Variants in MCMDC2 observed in about 807,000 individuals in gnomAD.
MCMDC2 encodes the protein minichromosome maintenance domain-containing protein 2.
Under a neutral mutation model 75.8 loss-of-function variants are expected in MCMDC2, and 54 were observed. That is an observed-to-expected ratio of 0.71 (90% CI 0.57 to 0.89). The LOEUF (loss-of-function observed/expected upper bound fraction) is 0.89, where lower values mean the gene tolerates loss of function less well. Among genes scored for constraint, MCMDC2 ranks in the 40% least tolerant of loss-of-function variants. MCMDC2 has a pLI of 0.00. For missense variants in MCMDC2, 656 were observed against 780.4 expected, an observed-to-expected ratio of 0.84 and a Z score of 1.90; for synonymous variants, 249 against 274.6, an observed-to-expected ratio of 0.91 and a Z score of 0.92.
rs916476662 is a variant in MCMDC2, at chr8:66,876,449, A to G, written c.286-900A>G. ...TCATGAACTTTTAAATATATATGGT[A>G]TGTTTCAGTGAATCTTTGTCATTCC... On this transcript the variant is annotated intron_variant, in intron 4 of 14. Transcript: ENST00000422365. Among the ~76,000 whole-genome samples the G allele has an allele frequency of 9.2e-5, 14 of 152,102 alleles. 1 individual carries two copies. Among genetic ancestry groups the G allele is most frequent in the African/African-American group, 2.7e-4 (11 of 41,408 alleles).
chr8:66,899,394 GTA>G (rs1160596005), intron 12 of MCMDC2, among the ~76,000 whole-genome samples: 1 of 152,178 alleles, frequency 6.6e-6, no homozygotes, highest in Non-Finnish European at 1.5e-5. Flanking sequence ...GCTATTAATA[GTA>G]TATCCAGTTC....
intron 7 of MCMDC2, among the ~76,000 whole-genome samples, chr8:66,879,607 A>G (rs549950574): frequency 6.6e-6 from 1 of 152,328 alleles, no homozygotes; most frequent in African/African-American, 2.4e-5. Flanking sequence ...AAGAAAAAAA[A>G]GCAATTGACT....
Position 66,890,847 on chromosome 8 carries a change from T to C in MCMDC2, c.1074-18T>C. On this transcript the variant is annotated intron_variant, in intron 9 of 14. Transcript: ENST00000422365. Reference sequence around the variant, plus strand: ...AAAATTAAATAATAGTAATGAAAAGTTTATTTTTTTTCCCTAGGCTTCTGA... The same window carrying C: ...AAAATTAAATAATAGTAATGAAAAGCTTATTTTTTTTCCCTAGGCTTCTGA... 6.3e-7 allele frequency: 1 copy of C among 1,585,474 alleles called. No homozygotes were observed. Among genetic ancestry groups the C allele is most frequent in the Non-Finnish European group, 8.6e-7 (1 of 1,167,280 alleles).
intron 9 of MCMDC2, among the ~76,000 whole-genome samples, chr8:66,888,691 T>C (rs888721421): frequency 1.2e-4 from 18 of 152,248 alleles, no homozygotes; most frequent in Admixed American, 1.0e-3. Flanking sequence ...AGAAATACAA[T>C]TGATTTTTAT....
chr8:66,897,269 G>A (rs1478985078), intron 12 of MCMDC2, among the ~76,000 whole-genome samples: 5 of 151,802 alleles, frequency 3.3e-5, no homozygotes, highest in East Asian at 1.9e-4. Context: ...TTAGCTGGGC[G>A]TGGTGGTGGC....
chr8:66,896,487 T>G, intron 11 of MCMDC2, 151 bp downstream of exon 11: 1 of 766,692 alleles, frequency 1.3e-6, no homozygotes, highest in Non-Finnish European at 1.9e-6. Context: ...AAAATTGTAA[T>G]GTTTTTTAAC....
At chr8:66,896,099 G>A (rs1812338710) in intron 10 of MCMDC2, 71 bp from the exon 11 acceptor site, 5 of 1,323,690 alleles carry the variant, frequency 3.8e-6, no homozygotes, top group Non-Finnish European at 4.2e-6. Flanking sequence ...ATATAATAAT[G>A]TGTTAGCAAT....
At chr8:66,880,777 C>T (rs1020157934) in intron 7 of MCMDC2, 72 bp from the exon 8 acceptor site, 1 of 1,337,152 alleles carries the variant, frequency 7.5e-7, no homozygotes. Context: ...AGTTCTGGAT[C>T]TTTGAACCAT....
downstream of MCMDC2, chr8:66,922,521 C>T (rs770071411): frequency 7.9e-5 from 41 of 518,832 alleles, no homozygotes; most frequent in Middle Eastern, 6.8e-4. Context: ...GCTGGGTAAA[C>T]GGCAAAAAGT....
chr8:66,884,901 TG>T (rs1811760926), intron 9 of MCMDC2, among the ~76,000 whole-genome samples: 2 of 152,012 alleles, frequency 1.3e-5, no homozygotes, highest in Admixed American at 6.6e-5. Context: ...CTCAGCCTCC[TG>T]AGTAGCTGTG....
In MCMDC2 at chr8:66,905,151, G is replaced by T. The variant is rs968258492; in HGVS notation, c.1770-75G>T. The T allele has an allele frequency of 5.1e-6, 6 of 1,182,532 alleles. No individual in the cohort carries two copies. The African/African-American group carries it at 9.6e-5, about 19-fold the overall frequency. 73.3% of individuals were successfully genotyped at this position (1,182,532 alleles called of 1,614,324 possible). ...TGTGGCTAAGGTTCATATATATCTC[G>T]ATTTGTTCCTGCCAAAATATATATT... On this transcript the variant is annotated intron_variant, in intron 13 of 14. Coordinates refer to ENST00000422365, the MANE Select transcript of MCMDC2 (RefSeq NM_173518.5).
At chr8:66,888,868 CTG>C (rs1811964812) in intron 9 of MCMDC2, among the ~76,000 whole-genome samples, 1 of 152,186 alleles carries the variant, frequency 6.6e-6, no homozygotes, top group African/African-American at 2.4e-5. Context: ...ATATTTATCA[CTG>C]TGTCTCACCC....
At chr8:66,905,656 C>A (rs1239909748) in intron 14 of MCMDC2, among the ~76,000 whole-genome samples, 2 of 152,036 alleles carry the variant, frequency 1.3e-5, no homozygotes, top group Non-Finnish European at 2.9e-5. Context: ...AAATAACTTG[C>A]AACATTTAGG....
At chr8:66,904,089 A>T (rs1812810974) in intron 13 of MCMDC2, among the ~76,000 whole-genome samples, 2 of 152,152 alleles carry the variant, frequency 1.3e-5, no homozygotes, top group Admixed American at 1.3e-4. Flanking sequence ...TATGGCTATT[A>T]ATAATACTGA....
chr8:66,880,914 A>G lies in MCMDC2; in HGVS notation c.775A>G (p.Lys259Glu). The change falls in exon 8 of 15, where the codon AAA (lysine) becomes GAA (glutamate). Residue 259 changes from lysine to glutamate, a missense_variant. Physicochemically the swap from Lys to Glu is moderately conservative, Grantham distance 56. Coordinates refer to ENST00000422365, the MANE Select transcript of MCMDC2 (RefSeq NM_173518.5). Reference sequence around the variant, plus strand: ...AATTATTGGAATTCCAACCTGTGTAAAAACCTCACAAACTGCTGTCTGTAT... The same window carrying G: ...AATTATTGGAATTCCAACCTGTGTAGAAACCTCACAAACTGCTGTCTGTAT... Reference protein sequence around the residue: ...YKIIGIPTCVKTSQTAVCIEA... With the variant: ...YKIIGIPTCVETSQTAVCIEA... The G allele has an allele frequency of 6.4e-7, 1 of 1,570,644 alleles. No individual in the cohort carries two copies.
chr8:66,896,513 T>C (rs764398253), intron 11 of MCMDC2, among the ~76,000 whole-genome samples, 177 bp downstream of exon 11: 1 of 152,162 alleles, frequency 6.6e-6, no homozygotes, highest in East Asian at 1.9e-4. Flanking sequence ...AGATCAGATA[T>C]CTGCTCACTG....
rs1305331302 is a variant in MCMDC2 at position 66,907,223 on chromosome 8, T to TAA, written c.1879+1888_1879+1889insAA. Among the ~76,000 whole-genome samples, 7 of 152,230 alleles carry TAA rather than the reference T, an allele frequency of 4.6e-5. 1 individual carries two copies. The East Asian group carries it at 1.2e-3, about 25-fold the overall frequency. On this transcript the variant is annotated intron_variant, in intron 14 of 14. Coordinates refer to ENST00000422365, the MANE Select transcript of MCMDC2 (RefSeq NM_173518.5). Reference sequence around the variant, plus strand: ...ATTTGTCCTAATGCTCTCCTTCCCCTTGCCCCCGCCAACCCCCAACAGGCC... The same window carrying TAA: ...ATTTGTCCTAATGCTCTCCTTCCCCTAATGCCCCCGCCAACCCCCAACAGGCC...
chr8:66,923,651 C>A (rs1772570212), downstream of MCMDC2, among the ~76,000 whole-genome samples: 1 of 152,112 alleles, frequency 6.6e-6, no homozygotes, highest in African/African-American at 2.4e-5. Context: ...AATCCTAGCA[C>A]TTTGTGGGGT....
Position 66,890,403 on chromosome 8 carries a change from G to A in MCMDC2, c.1074-462G>A, listed in dbSNP as rs539993653. Among the ~76,000 whole-genome samples, 421 of 151,190 alleles carry A rather than the reference G, an allele frequency of 2.8e-3. 1 individual carries two copies. Among genetic ancestry groups the A allele is most frequent in the Non-Finnish European group, 4.1e-3 (276 of 67,808 alleles). ...CTAAAGACTTTTTTTTTTTTTACAC[G>A]GAGTCTTGCTCTGTCACCAGGATGA... On this transcript the variant is annotated intron_variant, in intron 9 of 14. Coordinates refer to ENST00000422365, the MANE Select transcript of MCMDC2 (RefSeq NM_173518.5).
Sources: gnomAD v4.1 joint callset for allele counts (sites outside exome capture counted in the v4.1 genomes callset) on GRCh38, gnomAD v4.1.1 for gene constraint, MANE v1.5 for transcripts, NCBI Gene and HGNC (gene_info 2026-07-23, HGNC 2026-07-21) for gene names.